LCP1: variants seen among roughly 807,000 people sequenced by gnomAD.
LCP1 encodes plastin-2.
In LCP1, 23 loss-of-function variants were observed where a neutral mutation model predicts 72.0. The ratio of observed to expected loss-of-function variants is 0.32; its 90% CI spans 0.23 to 0.45. The LOEUF is 0.45. Among genes scored for constraint, LCP1 ranks in the 20% least tolerant of loss-of-function variants. The probability of loss-of-function intolerance (pLI) is 1.00; values close to 1 mark genes in which losing one functional copy is unlikely to be tolerated. For missense variants in LCP1, 571 were observed against 748.3 expected, an observed-to-expected ratio of 0.76 and a Z score of 2.76; for synonymous variants, 245 against 275.4, an observed-to-expected ratio of 0.89 and a Z score of 1.09.
intron 1 of LCP1, among the ~76,000 whole-genome samples, chr13:46,174,707 G>A (rs992905397): frequency 5.9e-5 from 9 of 152,054 alleles, no homozygotes; most frequent in Middle Eastern, 3.4e-3. Flanking sequence ...TTAGCTGAGC[G>A]TGGTGGTGTG....
chr13:46,151,637 C>T (rs1455868731), intron 7 of LCP1, among the ~76,000 whole-genome samples: 1 of 152,142 alleles, frequency 6.6e-6, no homozygotes, highest in African/African-American at 2.4e-5. Flanking sequence ...ATTTGAAGAT[C>T]AATATTCTTT....
chr13:46,178,986 A>G, intron 1 of LCP1, among the ~76,000 whole-genome samples: 1 of 152,224 alleles, frequency 6.6e-6, no homozygotes, highest in Non-Finnish European at 1.5e-5. Flanking sequence ...TTGACTTGAG[A>G]ATTTTCTGAG....
Position 46,153,025 on chromosome 13 carries a change from T to A in LCP1, c.574-80A>T, listed in dbSNP as rs971434749. The stretch of plus-strand genomic sequence containing the variant: ...AATACCGATGGCAACAGTAACAATG[T>A]TTTCCTTCTGCGAAGGTCACAGGTT... On this transcript the variant is annotated intron_variant, in intron 6 of 15. Coordinates refer to ENST00000323076, the MANE Select transcript of LCP1 (RefSeq NM_002298.5). The A allele has an allele frequency of 1.1e-5, 15 of 1,382,756 alleles. No homozygotes were observed. In the East Asian group the frequency reaches 1.2e-4, roughly 11 times the overall value. 85.7% of individuals were successfully genotyped at this position (1,382,756 alleles called of 1,614,324 possible).
chr13:46,143,344 G>A lies in LCP1; in HGVS notation c.1314C>T (p.Asp438=). 1.9e-6 allele frequency: 3 copies of A among 1,614,042 alleles called. No homozygotes were observed. The highest frequency in any genetic ancestry group is 2.5e-6 in the Non-Finnish European group (3 of 1,179,946). ...QLYEKIKVPV[D]WNRVNKPPYP... is the part of the protein sequence containing the mutation. ...ATGGCGGTTTGTTTACTCTGTTCCA[G>A]TCAACAGGAACTTTGATCTTTTCAT... The change falls in exon 12 of 16, where the codon GAC becomes GAT. Residue 438 remains aspartate, a synonymous_variant. Transcript: ENST00000323076.
intron 14 of LCP1, among the ~76,000 whole-genome samples, chr13:46,131,284 A>T (rs1192096393): frequency 6.6e-6 from 1 of 152,208 alleles, no homozygotes; most frequent in African/African-American, 2.4e-5. Context: ...CACAGAAATG[A>T]GGACCAAAAC....
rs1172898594 is a variant in LCP1 at position 46,159,593 on chromosome 13, A to C, written c.64+6T>G. ...TGATGCAATTTGGGGTACCAGGTCT[A>C]CTCACCAACTTTGGCAAAAGCTTCT... On this transcript the variant is annotated splice_donor_region_variant and intron_variant, in intron 2 of 15. Transcript: ENST00000323076. The C allele has an allele frequency of 6.2e-7, 1 of 1,612,424 alleles. No homozygotes were observed. The highest frequency in any genetic ancestry group is 8.5e-7 in the Non-Finnish European group (1 of 1,178,578).
At chr13:46,144,313 G>C (rs1347725579) in intron 11 of LCP1, 129 bp downstream of exon 11, 4 of 686,542 alleles carry the variant, frequency 5.8e-6, no homozygotes, top group Non-Finnish European at 1.0e-5. Flanking sequence ...GCTCAACTTG[G>C]CACTTTTTCC....
chr13:46,136,912 C>T (rs1222645583), intron 13 of LCP1, among the ~76,000 whole-genome samples: 2 of 152,170 alleles, frequency 1.3e-5, no homozygotes, highest in Non-Finnish European at 2.9e-5. Flanking sequence ...TGTCCACATG[C>T]TCATGTAAAC....
chr13:46,163,321 A>G (rs375473438), intron 1 of LCP1, among the ~76,000 whole-genome samples: 1 of 152,178 alleles, frequency 6.6e-6, no homozygotes, highest in East Asian at 1.9e-4. Flanking sequence ...GGATGCTGTT[A>G]ATCTATAACC....
intron 4 of LCP1, among the ~76,000 whole-genome samples, chr13:46,157,131 T>C (rs2045807630): frequency 6.6e-6 from 1 of 151,846 alleles, no homozygotes; most frequent in Admixed American, 6.6e-5. Flanking sequence ...AAACTATCTC[T>C]CTGTTCCTAT....
At chr13:46,164,418 T>A (rs1024137719) in intron 1 of LCP1, among the ~76,000 whole-genome samples, 1 of 152,230 alleles carries the variant, frequency 6.6e-6, no homozygotes, top group South Asian at 2.1e-4. Flanking sequence ...AATCATATTA[T>A]TTTTAAACCA....
intron 5 of LCP1, 111 bp from the exon 6 acceptor site, chr13:46,154,997 C>A: frequency 1.2e-6 from 1 of 802,354 alleles, no homozygotes; most frequent in Non-Finnish European, 2.1e-6. Flanking sequence ...GCAACAGAAT[C>A]TGTGATGTTT....
intron 1 of LCP1, among the ~76,000 whole-genome samples, chr13:46,179,156 G>A (rs907914878): frequency 1.3e-5 from 2 of 152,154 alleles, no homozygotes; most frequent in Non-Finnish European, 2.9e-5. Flanking sequence ...TTCCCTGTTT[G>A]TTAGTCATTG....
intron 7 of LCP1, among the ~76,000 whole-genome samples, 184 bp downstream of exon 7, chr13:46,152,596 T>C (rs2045775641): frequency 6.6e-6 from 1 of 152,232 alleles, no homozygotes; most frequent in South Asian, 2.1e-4. Flanking sequence ...CTTAAAAAGC[T>C]TTTGCTCTAT....
chr13:46,160,002 A>G lies in LCP1; in HGVS notation c.-24-316T>C, dbSNP rs1249065220. On this transcript the variant is annotated intron_variant, in intron 1 of 15. Coordinates refer to ENST00000323076, the MANE Select transcript of LCP1 (RefSeq NM_002298.5). ...ACTGCTTTGACCATTAGAGGGTGGT[A>G]GAAATGATGTCTGGGGCTGGAAACT... Among the ~76,000 whole-genome samples the G allele has an allele frequency of 6.6e-5, 10 of 152,368 alleles. No individual in the cohort carries two copies. The East Asian group carries it at 7.7e-4, about 12-fold the overall frequency.
At chr13:46,143,934 C>T (rs2045714006) in intron 11 of LCP1, among the ~76,000 whole-genome samples, 1 of 152,090 alleles carries the variant, frequency 6.6e-6, no homozygotes, top group South Asian at 2.1e-4. Context: ...GGCATGGTGG[C>T]AGGTGCCTGA....
rs182628256 is a variant in LCP1 at position 46,128,183 on chromosome 13, A to T, written c.1752-460T>A. ...CACACCAGGAGTATTCTCTTGGGCT[A>T]CATAGCAGCATAGCAGAAAGAGTCA... On this transcript the variant is annotated intron_variant, in intron 15 of 15. Transcript: ENST00000323076. Among the ~76,000 whole-genome samples, 650 of 152,300 alleles carry T rather than the reference A, an allele frequency of 4.3e-3. 6 individuals carry two copies. Among genetic ancestry groups the T allele is most frequent in the Non-Finnish European group, 6.1e-3 (417 of 68,028 alleles).
intron 8 of LCP1, among the ~76,000 whole-genome samples, chr13:46,149,343 A>G (rs2045749293): frequency 6.6e-6 from 1 of 152,152 alleles, no homozygotes; most frequent in Non-Finnish European, 1.5e-5. Context: ...CACCTGGGGA[A>G]AATGATCTTC....
chr13:46,142,309 A>G lies in LCP1; in HGVS notation c.1485T>C (p.Ile495=), dbSNP rs191424716. The change falls in exon 13 of 16, where the codon ATT becomes ATC. Residue 495 remains isoleucine (I), a synonymous_variant. Coordinates refer to ENST00000323076, the MANE Select transcript of LCP1 (RefSeq NM_002298.5). ...TATACTACCTTCTCATTAGCTGCCA[A>G]ATCAAGGCCAGTGTGAGAGTGCGGT... ...EGNRTLTLAL[I]WQLMRRYTLN... 410 of 1,613,756 alleles carry G rather than the reference A, an allele frequency of 2.5e-4. 7 individuals are homozygous for G. The East Asian group carries it at 8.5e-3, about 33-fold the overall frequency.
Sources: gnomAD v4.1 joint callset for allele counts (sites outside exome capture counted in the v4.1 genomes callset) on GRCh38, gnomAD v4.1.1 for gene constraint, MANE v1.5 for transcripts, NCBI Gene and HGNC (gene_info 2026-07-23, HGNC 2026-07-21) for gene names.